Variants in PRKG1 observed in about 807,000 individuals in gnomAD.
The protein encoded by PRKG1 is protein kinase cGMP-dependent 1, also known as cGMP-dependent protein kinase 1.
A neutral mutation model predicts 88.1 loss-of-function variants in PRKG1; 35 were observed. The ratio of observed to expected loss-of-function variants is 0.40; its 90% CI spans 0.30 to 0.53. The LOEUF is 0.53. Ranked by LOEUF, PRKG1 falls within the 20% of genes least tolerant of loss-of-function variation. The pLI, the probability that PRKG1 is intolerant of heterozygous loss-of-function variation, is 0.59. For missense variants in PRKG1, 540 were observed against 839.8 expected, an observed-to-expected ratio of 0.64 and a Z score of 4.41; for synonymous variants, 303 against 292.5, an observed-to-expected ratio of 1.04 and a Z score of -0.37.
intron 4 of PRKG1, among the ~76,000 whole-genome samples, chr10:51,886,782 G>T (rs1326755983): frequency 1.3e-5 from 2 of 152,056 alleles, no homozygotes; most frequent in Admixed American, 6.6e-5. Flanking sequence ...GGTATCCAAG[G>T]GTAATTGGTT....
intron 2 of PRKG1, among the ~76,000 whole-genome samples, chr10:51,165,659 T>A (rs1222884171): frequency 1.3e-5 from 2 of 152,184 alleles, no homozygotes; most frequent in East Asian, 3.9e-4. Flanking sequence ...CCATCTCACG[T>A]GCAGTGACAC....
At chr10:52,163,152 C>T (rs1838324426) in intron 9 of PRKG1, among the ~76,000 whole-genome samples, 1 of 151,302 alleles carries the variant, frequency 6.6e-6, no homozygotes, top group Admixed American at 6.6e-5. Flanking sequence ...GGGTTCTATT[C>T]CTATAGGAAT....
At position 51,393,009 on chromosome 10, in the gene PRKG1, C is replaced by G. The variant is rs1837468554; in HGVS notation, c.479-74714C>G. ...GGGTAGCTGCCGGGCAGAGACACTC[C>G]TCACTTCCCAGACGGGGTGGTTGCC... On this transcript the variant is annotated intron_variant, in intron 2 of 17. Coordinates refer to ENST00000373980, the MANE Select transcript of PRKG1 (RefSeq NM_006258.4). Among the ~76,000 whole-genome samples the G allele has an allele frequency of 2.0e-5, 3 of 151,420 alleles. 1 individual carries two copies. Among genetic ancestry groups the G allele is most frequent in the Admixed American group, 2.0e-4 (3 of 15,248 alleles).
chr10:51,858,994 C>T (rs1277194931), intron 4 of PRKG1, among the ~76,000 whole-genome samples: 1 of 152,114 alleles, frequency 6.6e-6, no homozygotes. Context: ...TAACACAATG[C>T]ACTTGTCTCA....
At chr10:51,130,570 C>CT (rs953440660) in intron 1 of PRKG1, among the ~76,000 whole-genome samples, 8 of 151,718 alleles carry the variant, frequency 5.3e-5, no homozygotes, top group East Asian at 1.9e-4. Context: ...ATTCCATCTA[C>CT]TTTTTTTTAT....
chr10:50,992,519 A>C (rs1269708320), intron 1 of PRKG1, among the ~76,000 whole-genome samples: 1 of 152,034 alleles, frequency 6.6e-6, no homozygotes, highest in Admixed American at 6.5e-5. Context: ...CCCTCCCTGG[A>C]AAAGTTGGGA....
intron 7 of PRKG1, chr10:52,062,953 C>T (rs1272225820): frequency 1.6e-6 from 1 of 613,988 alleles, no homozygotes; most frequent in Non-Finnish European, 2.9e-6. Flanking sequence ...AATGATTTTA[C>T]TCAGAATCAT....
chr10:52,219,951 C>G (rs1840201324), intron 9 of PRKG1, among the ~76,000 whole-genome samples: 1 of 152,046 alleles, frequency 6.6e-6, no homozygotes, highest in South Asian at 2.1e-4. Flanking sequence ...GGTCATTCAT[C>G]TTGAGGTTTC....
intron 9 of PRKG1, among the ~76,000 whole-genome samples, chr10:52,165,091 C>T (rs1364364439): frequency 6.6e-6 from 1 of 152,054 alleles, no homozygotes; most frequent in African/African-American, 2.4e-5. Flanking sequence ...TCTAGTGAGG[C>T]TGATAATATG....
At chr10:51,209,286 C>T (rs1262029164) in intron 2 of PRKG1, among the ~76,000 whole-genome samples, 2 of 152,054 alleles carry the variant, frequency 1.3e-5, no homozygotes, top group Non-Finnish European at 1.5e-5. Flanking sequence ...GACCTCATAC[C>T]GATCGCTTAA....
At chr10:52,261,885 T>C (rs1243447147) in intron 10 of PRKG1, among the ~76,000 whole-genome samples, 1 of 152,148 alleles carries the variant, frequency 6.6e-6, no homozygotes, top group South Asian at 2.1e-4. Flanking sequence ...ATAGAAGCTT[T>C]CTGTTCACTT....
intron 1 of PRKG1, among the ~76,000 whole-genome samples, chr10:51,143,616 C>T (rs1433546164): frequency 1.3e-5 from 2 of 152,098 alleles, no homozygotes; most frequent in East Asian, 3.9e-4. Context: ...CCCTTTTCTC[C>T]ATACCATGTC....
At position 52,102,325 on chromosome 10, in the gene PRKG1, C is replaced by T. The variant is rs114128204; in HGVS notation, c.936-31515C>T. Among the ~76,000 whole-genome samples the T allele has an allele frequency of 1.7e-3, 261 of 152,118 alleles. 1 individual carries two copies. Among genetic ancestry groups the T allele is most frequent in the African/African-American group, 5.2e-3 (214 of 41,508 alleles). On this transcript the variant is annotated intron_variant, in intron 7 of 17. Transcript: ENST00000373980. ...AGCCTCTAGACCAGGAGTCACATGA[C>T]GTTTAAGGCACAAACATCACAACCA... is the stretch of plus-strand genomic sequence containing the variant.
At chr10:51,522,363 C>A (rs1232050570) in intron 3 of PRKG1, among the ~76,000 whole-genome samples, 1 of 152,078 alleles carries the variant, frequency 6.6e-6, no homozygotes, top group Non-Finnish European at 1.5e-5. Flanking sequence ...GAAAATTTAA[C>A]TTTGCTTTTG....
intron 5 of PRKG1, among the ~76,000 whole-genome samples, chr10:51,991,446 A>G (rs1445027665): frequency 6.6e-6 from 1 of 152,012 alleles, no homozygotes; most frequent in Non-Finnish European, 1.5e-5. Context: ...TTTGTTACAT[A>G]TGTGTACATG....
intron 1 of PRKG1, among the ~76,000 whole-genome samples, chr10:51,022,290 C>G (rs1230062397): frequency 6.6e-6 from 1 of 152,166 alleles, no homozygotes; most frequent in East Asian, 1.9e-4. Flanking sequence ...GTTTCTAAGC[C>G]ACTCTTATAG....
intron 5 of PRKG1, among the ~76,000 whole-genome samples, chr10:52,009,724 T>G (rs1223999166): frequency 2.0e-5 from 3 of 152,068 alleles, no homozygotes; most frequent in African/African-American, 7.2e-5. Flanking sequence ...AAGGCAATCA[T>G]AAGGAAAAAG....
chr10:51,785,934 G>C (rs954645619), intron 3 of PRKG1, among the ~76,000 whole-genome samples: 1 of 152,150 alleles, frequency 6.6e-6, no homozygotes, highest in African/African-American at 2.4e-5. Context: ...TAACGCATCT[G>C]TAGCTAGTAA....
intron 10 of PRKG1, among the ~76,000 whole-genome samples, chr10:52,270,481 C>T (rs1226921931): frequency 6.6e-6 from 1 of 151,964 alleles, no homozygotes; most frequent in Non-Finnish European, 1.5e-5. Flanking sequence ...AAGTGTCCAA[C>T]AATGATAGAC....
Sources: allele counts gnomAD v4.1 joint callset (sites outside exome capture counted in the v4.1 genomes callset), GRCh38; gene constraint gnomAD v4.1.1; transcripts MANE v1.5; gene names NCBI Gene and HGNC (gene_info 2026-07-23, HGNC 2026-07-21).